The following RBFOX1 variants were observed in gnomAD, a reference collection of about 807,000 sequenced individuals.
RBFOX1 encodes the protein RNA binding protein fox-1 homolog 1.
RBFOX1 carries 8 observed loss-of-function variants against 57.7 expected under a neutral mutation model. The observed-to-expected ratio is 0.14, with a 90% confidence interval of 0.08 to 0.25. The LOEUF (loss-of-function observed/expected upper bound fraction) is 0.25, where lower values mean the gene tolerates loss of function less well. RBFOX1 is among the 10% of genes least tolerant of loss of function. The pLI, the probability that RBFOX1 is intolerant of heterozygous loss-of-function variation, is 1.00. For missense variants in RBFOX1, 611 were observed against 548.5 expected (o/e 1.11, Z -1.14); for synonymous variants, 326 against 222.4 (o/e 1.47, Z -4.15).
At position 5,978,487 on chromosome 16, in the gene RBFOX1, G is replaced by T. The variant is rs1004447749; in HGVS notation, c.351+111152G>T. Among the ~76,000 whole-genome samples, 10 of 152,150 alleles carry T rather than the reference G, an allele frequency of 6.6e-5. No individual in the cohort carries two copies. In the East Asian group the frequency reaches 1.9e-3, roughly 29 times the overall value. On this transcript the variant is annotated intron_variant, in intron 4 of 19. Transcript: ENST00000641259. Reference sequence around the variant, plus strand: ...CAGGGTAGGTTTGTTGTAATGAAGCGACCAGCGTTGCTATATTACTATTAA... The same window carrying T: ...CAGGGTAGGTTTGTTGTAATGAAGCTACCAGCGTTGCTATATTACTATTAA...
intron 4 of RBFOX1, among the ~76,000 whole-genome samples, chr16:7,448,924 CCT>C (rs36190973): frequency 0.092 from 4,915 of 53,294 alleles, 125 homozygotes; most frequent in East Asian, 0.18. Context: ...TTTTCTTTCC[CCT>C]GTTTTTTTTT....
intron 3 of RBFOX1, among the ~76,000 whole-genome samples, chr16:6,752,896 G>A (rs1421541428): frequency 6.6e-6 from 1 of 151,676 alleles, no homozygotes; most frequent in African/African-American, 2.4e-5. Flanking sequence ...TTCTCCCAGA[G>A]AATTTTTATC....
chr16:5,372,995 C>T (rs1331413676), intron 1 of RBFOX1, among the ~76,000 whole-genome samples: 1 of 152,240 alleles, frequency 6.6e-6, no homozygotes, highest in East Asian at 1.9e-4. Flanking sequence ...TCTTCTCCAT[C>T]TAAACCTCTA....
chr16:6,335,112 A>C (rs1171439558), intron 2 of RBFOX1, among the ~76,000 whole-genome samples: 6 of 152,234 alleles, frequency 3.9e-5, no homozygotes, highest in African/African-American at 1.4e-4. Context: ...TGTTTAGGGA[A>C]TACTGCTTGC....
intron 2 of RBFOX1, among the ~76,000 whole-genome samples, chr16:6,508,628 C>A (rs929682150): frequency 2.0e-5 from 3 of 152,098 alleles, no homozygotes; most frequent in Admixed American, 2.0e-4. Flanking sequence ...TTCTTCTTTA[C>A]TTTTCTCTTG....
chr16:6,118,291 C>T (rs190771625), intron 1 of RBFOX1, among the ~76,000 whole-genome samples: 2 of 152,162 alleles, frequency 1.3e-5, no homozygotes, highest in African/African-American at 4.8e-5. Flanking sequence ...CCTTATGTCT[C>T]AGTCCACTCA....
chr16:7,057,454 C>T (rs2052696589), intron 4 of RBFOX1, among the ~76,000 whole-genome samples: 1 of 152,198 alleles, frequency 6.6e-6, no homozygotes, highest in Admixed American at 6.5e-5. Flanking sequence ...ACTCCCTCTA[C>T]CTTTATGCAC....
chr16:6,329,657 C>T (rs1002930339), intron 2 of RBFOX1, among the ~76,000 whole-genome samples: 1 of 152,156 alleles, frequency 6.6e-6, no homozygotes, highest in African/African-American at 2.4e-5. Context: ...GAAGGCCAGG[C>T]ATGGTGGCCC....
chr16:7,193,621 G>T (rs1164619460), intron 4 of RBFOX1, among the ~76,000 whole-genome samples: 1 of 152,152 alleles, frequency 6.6e-6, no homozygotes, highest in Non-Finnish European at 1.5e-5. Context: ...ACTACATTGT[G>T]TATTCTGCTT....
intron 3 of RBFOX1, among the ~76,000 whole-genome samples, chr16:6,902,842 G>GC (rs1478263484): frequency 3.3e-5 from 5 of 152,098 alleles, no homozygotes; most frequent in African/African-American, 1.2e-4. Context: ...TTTTCCATCT[G>GC]TTCATTTATT....
chr16:5,279,288 G>C (rs1005787602), intron 1 of RBFOX1, among the ~76,000 whole-genome samples: 8 of 151,966 alleles, frequency 5.3e-5, no homozygotes, highest in African/African-American at 1.9e-4. Flanking sequence ...CATTGTCGAG[G>C]TTTTTTGTTT....
intron 3 of RBFOX1, among the ~76,000 whole-genome samples, chr16:6,804,811 C>G (rs950081550): frequency 6.6e-6 from 1 of 152,156 alleles, no homozygotes; most frequent in Non-Finnish European, 1.5e-5. Context: ...ATTTGCCACT[C>G]TGACTTCTTA....
intron 1 of RBFOX1, among the ~76,000 whole-genome samples, chr16:5,410,845 G>A (rs1421926639): frequency 6.6e-6 from 1 of 152,216 alleles, no homozygotes; most frequent in Non-Finnish European, 1.5e-5. Context: ...ACATCAGAGT[G>A]AGTCATATAC....
chr16:6,567,877 G>C, intron 2 of RBFOX1, among the ~76,000 whole-genome samples: 1 of 152,210 alleles, frequency 6.6e-6, no homozygotes, highest in East Asian at 1.9e-4. Flanking sequence ...GCTGGAGTGA[G>C]TGGTGAGATT....
chr16:6,438,788 G>T (rs934907258), intron 2 of RBFOX1, among the ~76,000 whole-genome samples: 1 of 151,852 alleles, frequency 6.6e-6, no homozygotes, highest in Non-Finnish European at 1.5e-5. Context: ...CATGCATAAT[G>T]CTACTAGGAC....
chr16:6,340,992 A>G (rs760086106), intron 2 of RBFOX1, among the ~76,000 whole-genome samples: 36 of 152,186 alleles, frequency 2.4e-4, no homozygotes, highest in Non-Finnish European at 4.7e-4. Context: ...GTGGCACAGA[A>G]TGAAGCCACA....
chr16:6,854,645 A>AGTG (rs986337912), intron 3 of RBFOX1, among the ~76,000 whole-genome samples: 2 of 117,410 alleles, frequency 1.7e-5, no homozygotes, highest in African/African-American at 6.8e-5. Context: ...CCCAGGCTGG[A>AGTG]GTGCAGTGGC....
At chr16:7,085,395 C>T (rs2059838315) in intron 4 of RBFOX1, among the ~76,000 whole-genome samples, 2 of 152,072 alleles carry the variant, frequency 1.3e-5, no homozygotes, top group South Asian at 2.1e-4. Flanking sequence ...TTTGAAATCT[C>T]TTGGTTTTTA....
chr16:6,460,605 G>C (rs1325522275), intron 2 of RBFOX1, among the ~76,000 whole-genome samples: 1 of 152,118 alleles, frequency 6.6e-6, no homozygotes, highest in African/African-American at 2.4e-5. Context: ...AACAGATGCT[G>C]GTGAGCTTGT....
Sources: allele counts gnomAD v4.1 joint callset (sites outside exome capture counted in the v4.1 genomes callset), GRCh38; gene constraint gnomAD v4.1.1; transcripts MANE v1.5; gene names NCBI Gene and HGNC (gene_info 2026-07-23, HGNC 2026-07-21).